Variants in FHOD3 observed in about 807,000 individuals in gnomAD.
The protein encoded by FHOD3 is FH1/FH2 domain-containing protein 3.
FHOD3 carries 90 observed loss-of-function variants against 173.0 expected under a neutral mutation model. The ratio of observed to expected loss-of-function variants is 0.52; its 90% CI spans 0.44 to 0.62. The LOEUF (loss-of-function observed/expected upper bound fraction) is 0.62. FHOD3 is among the 20% of genes least tolerant of loss of function. The pLI is 0.00. For synonymous variants in FHOD3, 828 were observed against 823.0 expected, an observed-to-expected ratio of 1.01 and a Z score of -0.10; for missense variants, 1,945 against 2,034.7, an observed-to-expected ratio of 0.96 and a Z score of 0.85.
intron 8 of FHOD3, among the ~76,000 whole-genome samples, chr18:36,608,989 G>A (rs781035167): frequency 6.6e-6 from 1 of 152,214 alleles, no homozygotes; most frequent in East Asian, 1.9e-4. Flanking sequence ...TGCCACAATG[G>A]TTTTATCCTA....
intron 3 of FHOD3, among the ~76,000 whole-genome samples, chr18:36,486,498 G>C (rs1296591148): frequency 6.6e-6 from 1 of 152,180 alleles, no homozygotes; most frequent in East Asian, 1.9e-4. Context: ...GAGTAGCTGG[G>C]ACTAAAGGTG....
At chr18:36,492,459 C>A (rs985443948) in intron 3 of FHOD3, among the ~76,000 whole-genome samples, 1 of 152,148 alleles carries the variant, frequency 6.6e-6, no homozygotes, top group African/African-American at 2.4e-5. Context: ...CCCCAATTTC[C>A]CATTAGTAAA....
At chr18:36,651,292 C>G (rs1330157935) in intron 11 of FHOD3, among the ~76,000 whole-genome samples, 2 of 152,146 alleles carry the variant, frequency 1.3e-5, no homozygotes, top group East Asian at 1.9e-4. Flanking sequence ...TTCACACGAA[C>G]ATGGCTGGGA....
intron 3 of FHOD3, among the ~76,000 whole-genome samples, chr18:36,481,301 T>G (rs1173170587): frequency 1.3e-5 from 2 of 152,018 alleles, no homozygotes; most frequent in Non-Finnish European, 2.9e-5. Context: ...TGGACCAAGC[T>G]CTTCAAGTGA....
At chr18:36,365,911 T>A (rs571569849) in intron 2 of FHOD3, among the ~76,000 whole-genome samples, 1 of 152,226 alleles carries the variant, frequency 6.6e-6, no homozygotes, top group Admixed American at 6.5e-5. Context: ...TCTGAGAAGG[T>A]ATCTAGAGAG....
intron 26 of FHOD3, among the ~76,000 whole-genome samples, chr18:36,760,015 C>T (rs958410851): frequency 6.6e-6 from 1 of 152,074 alleles, no homozygotes; most frequent in South Asian, 2.1e-4. Flanking sequence ...CTTTTGGGGT[C>T]CCTGGCAAGC....
chr18:36,762,826 T>C (rs1481326631), intron 27 of FHOD3, among the ~76,000 whole-genome samples: 1 of 147,996 alleles, frequency 6.8e-6, no homozygotes, highest in South Asian at 2.1e-4. Flanking sequence ...TTATATATTT[T>C]ATATATATTA....
At chr18:36,397,970 A>G (rs1031584405) in intron 3 of FHOD3, among the ~76,000 whole-genome samples, 1 of 152,214 alleles carries the variant, frequency 6.6e-6, no homozygotes, top group Non-Finnish European at 1.5e-5. Flanking sequence ...GAATTTAGTC[A>G]TGTGGATACA....
At chr18:36,566,286 T>G (rs2058260746) in intron 5 of FHOD3, among the ~76,000 whole-genome samples, 1 of 152,132 alleles carries the variant, frequency 6.6e-6, no homozygotes, top group Admixed American at 6.5e-5. Flanking sequence ...CTAATGTATC[T>G]CTAAGAAAAC....
Position 36,716,467 on chromosome 18 carries a change from A to G in FHOD3, c.2534-1365A>G, listed in dbSNP as rs1295913369. Among the ~76,000 whole-genome samples the G allele has an allele frequency of 3.9e-5, 6 of 152,248 alleles. 1 individual carries two copies. The highest frequency in any genetic ancestry group is 6.5e-5 in the Admixed American group (1 of 15,286). The stretch of plus-strand genomic sequence containing the variant: ...GACAGCAAAGGATTGCAGGAGAAGC[A>G]GTTTAGGTTGGGGAGAGCAGGGTTG... On this transcript the variant is annotated intron_variant, in intron 18 of 28. Coordinates refer to ENST00000590592, the MANE Select transcript of FHOD3 (RefSeq NM_001281740.3).
intron 3 of FHOD3, among the ~76,000 whole-genome samples, chr18:36,462,054 G>A (rs1480152356): frequency 6.6e-6 from 1 of 152,098 alleles, no homozygotes; most frequent in African/African-American, 2.4e-5. Context: ...GGTAAATTTG[G>A]GATGATTTTA....
Position 36,306,315 on chromosome 18 carries a change from T to C in FHOD3, c.165+8315T>C, listed in dbSNP as rs527710785. ...CACAGCCTCGAGTGTGTTTCTGGGC[T>C]CTGGGCTCCATTGTCTGTCTAAGGG... On this transcript the variant is annotated intron_variant, in intron 1 of 28. Coordinates refer to ENST00000590592, the MANE Select transcript of FHOD3 (RefSeq NM_001281740.3). Among the ~76,000 whole-genome samples, 3 of 152,340 alleles carry C rather than the reference T, an allele frequency of 2.0e-5. No homozygotes were observed. The South Asian group carries it at 6.2e-4, about 32-fold the overall frequency.
chr18:36,451,608 C>A (rs149887567), intron 3 of FHOD3, among the ~76,000 whole-genome samples: 1 of 152,200 alleles, frequency 6.6e-6, no homozygotes, highest in East Asian at 1.9e-4. Context: ...TTGCCTCCCT[C>A]CTCTTCCTTC....
At chr18:36,738,985 C>T (rs2041776339) in intron 20 of FHOD3, among the ~76,000 whole-genome samples, 1 of 152,132 alleles carries the variant, frequency 6.6e-6, no homozygotes, top group South Asian at 2.1e-4. Context: ...TTTCTGGTCC[C>T]AACCCTGATG....
chr18:36,620,480 T>C (rs896673932), intron 9 of FHOD3, among the ~76,000 whole-genome samples: 17 of 152,188 alleles, frequency 1.1e-4, no homozygotes, highest in Admixed American at 1.1e-3. Flanking sequence ...CTGCCTTGTG[T>C]CCACACCTCT....
chr18:36,522,731 C>A (rs974951012), intron 5 of FHOD3, among the ~76,000 whole-genome samples: 6 of 152,126 alleles, frequency 3.9e-5, no homozygotes, highest in African/African-American at 1.4e-4. Flanking sequence ...GGAGAGGAGT[C>A]CCCAGAGCCA....
intron 10 of FHOD3, among the ~76,000 whole-genome samples, chr18:36,648,976 G>A (rs972326177): frequency 1.3e-5 from 2 of 152,202 alleles, no homozygotes; most frequent in African/African-American, 4.8e-5. Flanking sequence ...AAAAACCACA[G>A]AGGAGGTCTG....
At chr18:36,429,669 G>A (rs761114367) in intron 3 of FHOD3, among the ~76,000 whole-genome samples, 3 of 152,138 alleles carry the variant, frequency 2.0e-5, no homozygotes, top group Non-Finnish European at 2.9e-5. Context: ...TATGCAGAAC[G>A]GCAGAAAGGA....
chr18:36,574,638 T>A (rs1045173166), intron 5 of FHOD3, among the ~76,000 whole-genome samples: 3 of 152,152 alleles, frequency 2.0e-5, no homozygotes, highest in Non-Finnish European at 4.4e-5. Context: ...ATTTTTTTAT[T>A]GTATCTATAA....
Sources: gnomAD v4.1 joint callset for allele counts (sites outside exome capture counted in the v4.1 genomes callset) on GRCh38, gnomAD v4.1.1 for gene constraint, MANE v1.5 for transcripts, NCBI Gene and HGNC (gene_info 2026-07-23, HGNC 2026-07-21) for gene names.